RBM19: variants seen among roughly 807,000 people sequenced by gnomAD.
RBM19 encodes the protein RNA binding motif protein 19.
Under a neutral mutation model 116.8 loss-of-function variants are expected in RBM19, and 94 were observed. That is an observed-to-expected ratio of 0.80 (90% CI 0.68 to 0.95). RBM19 has a LOEUF of 0.95. Among genes scored for constraint, RBM19 ranks in the 40% least tolerant of loss-of-function variants. The pLI, the probability that RBM19 is intolerant of heterozygous loss-of-function variation, is 0.00. For missense variants in RBM19, 1,161 were observed against 1,220.7 expected, an observed-to-expected ratio of 0.95 and a Z score of 0.73; for synonymous variants, 475 against 494.1, an observed-to-expected ratio of 0.96 and a Z score of 0.51.
intron 21 of RBM19, among the ~76,000 whole-genome samples, chr12:113,864,074 G>A (rs1044241724): frequency 2.6e-5 from 4 of 152,236 alleles, no homozygotes; most frequent in Non-Finnish European, 4.4e-5. Flanking sequence ...TTTCTCCAAG[G>A]TCTCGGTGAG....
At chr12:113,930,664 C>A (rs1028944557) in intron 16 of RBM19, among the ~76,000 whole-genome samples, 8 of 152,256 alleles carry the variant, frequency 5.3e-5, no homozygotes, top group African/African-American at 1.9e-4. Flanking sequence ...GAAAGATGTG[C>A]TCAAAGGGGT....
At chr12:113,840,360 G>C (rs1406530107) in intron 23 of RBM19, among the ~76,000 whole-genome samples, 1 of 152,210 alleles carries the variant, frequency 6.6e-6, no homozygotes, top group Non-Finnish European at 1.5e-5. Flanking sequence ...GATGCCTGTG[G>C]ATGGGTCACA....
chr12:113,820,492 C>T (rs1238022663), downstream of RBM19, among the ~76,000 whole-genome samples: 2 of 152,154 alleles, frequency 1.3e-5, no homozygotes, highest in East Asian at 3.9e-4. Flanking sequence ...TGAGGTGGGG[C>T]CTCGGTGCTG....
intron 17 of RBM19, among the ~76,000 whole-genome samples, chr12:113,925,720 T>TAGG (rs143156024): frequency 0.043 from 6,518 of 152,240 alleles, 347 homozygotes; most frequent in Admixed American, 0.16. Context: ...GAGACTGAAC[T>TAGG]AGGTCGTCTT....
chr12:113,906,709 TCCACGCAAATGTCC>T (rs1309223990), intron 21 of RBM19, among the ~76,000 whole-genome samples: 3 of 151,968 alleles, frequency 2.0e-5, no homozygotes, highest in Non-Finnish European at 4.4e-5. Flanking sequence ...AACCCAGGTC[TCCACGCAAATGTCC>T]CCTGCTTGGA....
chr12:113,916,342 G>C (rs1882772029), intron 20 of RBM19, among the ~76,000 whole-genome samples: 1 of 152,210 alleles, frequency 6.6e-6, no homozygotes, highest in South Asian at 2.1e-4. Context: ...AGGAGGCGGA[G>C]GTTGCAGTGA....
intron 10 of RBM19, among the ~76,000 whole-genome samples, 183 bp downstream of exon 10, chr12:113,948,650 A>G (rs1036756216): frequency 2.6e-5 from 4 of 152,236 alleles, no homozygotes; most frequent in Non-Finnish European, 5.9e-5. Flanking sequence ...GAATCCCTGC[A>G]TTCATCATGT....
At chr12:113,955,803 C>A (rs1238185570) in intron 6 of RBM19, among the ~76,000 whole-genome samples, 2 of 152,182 alleles carry the variant, frequency 1.3e-5, no homozygotes, top group Non-Finnish European at 2.9e-5. Flanking sequence ...GCAGCGCAAG[C>A]AGTCTTGTCC....
At chr12:113,831,084 A>C (rs556865036) in intron 23 of RBM19, among the ~76,000 whole-genome samples, 1 of 152,332 alleles carries the variant, frequency 6.6e-6, no homozygotes, top group South Asian at 2.1e-4. Context: ...CCCTGTGGGA[A>C]TGTGGAACCA....
rs564142086 is a variant in RBM19, at chr12:113,912,773, C to T, written c.2558+2196G>A. On this transcript the variant is annotated intron_variant, in intron 21 of 23. Coordinates refer to ENST00000261741, the MANE Select transcript of RBM19 (RefSeq NM_016196.4). Reference sequence around the variant, plus strand: ...GCCCAAATGGACCAGCTTGGTTCCCCGAAACCCTGAAACCTCCCCCTGGCT... The same window carrying T: ...GCCCAAATGGACCAGCTTGGTTCCCTGAAACCCTGAAACCTCCCCCTGGCT... Among the ~76,000 whole-genome samples, 5 of 152,196 alleles carry T rather than the reference C, an allele frequency of 3.3e-5. No homozygotes were observed. The East Asian group carries it at 5.8e-4, about 18-fold the overall frequency.
intron 21 of RBM19, among the ~76,000 whole-genome samples, chr12:113,914,005 A>G (rs567944171): frequency 7.6e-4 from 116 of 152,308 alleles, no homozygotes; most frequent in Middle Eastern, 3.4e-3. Flanking sequence ...CCCTGATATG[A>G]GGACGTTTCT....
intron 21 of RBM19, among the ~76,000 whole-genome samples, chr12:113,888,741 A>G (rs1880728033): frequency 6.6e-6 from 1 of 152,186 alleles, no homozygotes; most frequent in Non-Finnish European, 1.5e-5. Context: ...AGGCAGGGAC[A>G]CTGCCTCTGT....
intron 8 of RBM19, among the ~76,000 whole-genome samples, chr12:113,950,442 C>T (rs1387494923): frequency 6.6e-6 from 1 of 152,174 alleles, no homozygotes; most frequent in African/African-American, 2.4e-5. Flanking sequence ...GCCTCACCCC[C>T]ATCCCCCGAC....
intron 14 of RBM19, among the ~76,000 whole-genome samples, chr12:113,940,825 C>T (rs924817869): frequency 1.3e-5 from 2 of 152,230 alleles, no homozygotes; most frequent in Admixed American, 6.5e-5. Flanking sequence ...AACTAAAAGA[C>T]TAAGCTATTC....
intron 21 of RBM19, among the ~76,000 whole-genome samples, chr12:113,875,275 C>T (rs570229581): frequency 7.1e-4 from 108 of 152,298 alleles, no homozygotes; most frequent in African/African-American, 2.4e-3. Context: ...TAAAACAAGC[C>T]GAGCTCAGGA....
At chr12:113,843,065 T>C (rs1876638784) in intron 23 of RBM19, among the ~76,000 whole-genome samples, 3 of 152,236 alleles carry the variant, frequency 2.0e-5, no homozygotes, top group Admixed American at 6.5e-5. Flanking sequence ...TCCTGCTGCA[T>C]TGCTGAGACG....
chr12:113,925,168 G>A (rs1868954134), intron 17 of RBM19, among the ~76,000 whole-genome samples: 1 of 152,022 alleles, frequency 6.6e-6, no homozygotes, highest in African/African-American at 2.4e-5. Flanking sequence ...TACTTTTTCT[G>A]TCTCCTTTGC....
intron 22 of RBM19, among the ~76,000 whole-genome samples, chr12:113,845,517 G>A (rs760940119): frequency 6.6e-6 from 1 of 152,152 alleles, no homozygotes; most frequent in Non-Finnish European, 1.5e-5. Flanking sequence ...ATGCGTTTTA[G>A]TATAATCGCA....
chr12:113,844,904 C>T (rs1311732230), intron 22 of RBM19, 116 bp from the exon 23 acceptor site: 11 of 1,385,706 alleles, frequency 7.9e-6, no homozygotes, highest in East Asian at 7.8e-5. Flanking sequence ...GTTCTGGCCC[C>T]GTGACATCTG....
Sources: gnomAD v4.1 joint callset for allele counts (sites outside exome capture counted in the v4.1 genomes callset) on GRCh38, gnomAD v4.1.1 for gene constraint, MANE v1.5 for transcripts, NCBI Gene and HGNC (gene_info 2026-07-23, HGNC 2026-07-21) for gene names.